The following MINDY4 variants were observed in gnomAD, a reference collection of about 807,000 sequenced individuals.
MINDY4 encodes the protein probable ubiquitin carboxyl-terminal hydrolase MINDY-4.
In MINDY4, 68 loss-of-function variants were observed where a neutral mutation model predicts 87.0. The observed-to-expected ratio is 0.78, with a 90% CI of 0.64 to 0.96. MINDY4 has a LOEUF of 0.96. Ranked by LOEUF, MINDY4 falls within the 40% of genes least tolerant of loss-of-function variation. The pLI is 0.00. For synonymous variants in MINDY4, 379 were observed against 363.2 expected, an observed-to-expected ratio of 1.04 and a Z score of -0.50; for missense variants, 919 against 928.2, an observed-to-expected ratio of 0.99 and a Z score of 0.13.
rs1246060076 is a variant in MINDY4 at position 30,785,945 on chromosome 7, CTGAT to C, written c.619_622del (p.Ile207CysfsTer4). ...AGAGAATTCCAGGCCAAAGTCTGGTCTGATTGTGCGAGGCATGATGTCTGGGCCC... is the reference window on the plus strand; with the variant it reads ...AGAGAATTCCAGGCCAAAGTCTGGTCTGTGCGAGGCATGATGTCTGGGCCC... On this transcript the variant is annotated frameshift_variant, in exon 4 of 18. Coordinates refer to ENST00000265299, the MANE Select transcript of MINDY4 (RefSeq NM_032222.3). LOFTEE classifies it high-confidence loss of function. 1 of 1,614,176 alleles carries C rather than the reference CTGAT, an allele frequency of 6.2e-7. No individual in the cohort carries two copies. Among genetic ancestry groups the C allele is most frequent in the Admixed American group, 1.7e-5 (1 of 60,026 alleles).
intron 6 of MINDY4, among the ~76,000 whole-genome samples, chr7:30,829,036 G>A (rs1788611158): frequency 6.6e-6 from 1 of 152,212 alleles, no homozygotes; most frequent in Admixed American, 6.5e-5. Flanking sequence ...TGGCCTCTTA[G>A]TAAGTTAACT....
intron 13 of MINDY4, among the ~76,000 whole-genome samples, chr7:30,863,054 A>AC (rs926806027): frequency 5.3e-5 from 8 of 151,174 alleles, no homozygotes; most frequent in South Asian, 2.1e-4. Context: ...TGTCCCTGAG[A>AC]CCCCCCTTTG....
intron 9 of MINDY4, among the ~76,000 whole-genome samples, chr7:30,842,540 T>G (rs1284227146): frequency 6.6e-6 from 1 of 152,152 alleles, no homozygotes; most frequent in Non-Finnish European, 1.5e-5. Flanking sequence ...GAAAAAAATG[T>G]GCAGAGTGTG....
chr7:30,804,235 C>A (rs1228383946), intron 5 of MINDY4, among the ~76,000 whole-genome samples: 1 of 152,202 alleles, frequency 6.6e-6, no homozygotes, highest in Non-Finnish European at 1.5e-5. Flanking sequence ...GTGTGTGCCT[C>A]ATTCCAGAAA....
intron 4 of MINDY4, among the ~76,000 whole-genome samples, chr7:30,789,566 C>T: frequency 6.6e-6 from 1 of 152,332 alleles, no homozygotes; most frequent in East Asian, 1.9e-4. Flanking sequence ...CTCCCTTCAG[C>T]CAGAAGTTTG....
At chr7:30,871,810 A>G (rs1790115124) in intron 13 of MINDY4, among the ~76,000 whole-genome samples, 1 of 152,240 alleles carries the variant, frequency 6.6e-6, no homozygotes, top group African/African-American at 2.4e-5. Flanking sequence ...AGGAAACATT[A>G]GAGTCCATTC....
Position 30,867,225 on chromosome 7 carries a change from T to A in MINDY4, c.1746-5018T>A, listed in dbSNP as rs73689319. Among the ~76,000 whole-genome samples the A allele has an allele frequency of 5.1e-3, 771 of 152,316 alleles. 6 individuals carry two copies. The highest frequency in any genetic ancestry group is 0.018 in the African/African-American group (745 of 41,568). ...GGCCATCCTGGGAAAACAGTTGATA[T>A]CCGCTGTATCCAAATCCTCTTCAGA... is the stretch of plus-strand genomic sequence containing the variant. On this transcript the variant is annotated intron_variant, in intron 13 of 17. Transcript: ENST00000265299.
At chr7:30,839,373 T>A in intron 8 of MINDY4, 57 bp downstream of exon 8, 1 of 1,063,264 alleles carries the variant, frequency 9.4e-7, no homozygotes, top group Non-Finnish European at 1.4e-6. Flanking sequence ...TGCATAGGGG[T>A]GGGTGTACCT....
chr7:30,791,376 AT>A lies in MINDY4; in HGVS notation c.876del (p.Leu293CysfsTer35). ...AAAACCACTGCCAGCAGCCCTCCCC[AT>A]CTGCCCAGCAAACGGCTGCCCCCAT... Reference protein sequence around the residue: ...RQKTTASSPPHLPSKRLPPWD... With the variant: ...RQKTTASSPPXLPSKRLPPWD... On this transcript the variant is annotated frameshift_variant, in exon 5 of 18. Coordinates refer to ENST00000265299, the MANE Select transcript of MINDY4 (RefSeq NM_032222.3). LOFTEE classifies it high-confidence loss of function. 6.2e-7 allele frequency: 1 copy of A among 1,614,032 alleles called. No individual in the cohort carries two copies. Among genetic ancestry groups the A allele is most frequent in the East Asian group, 2.2e-5 (1 of 44,856 alleles).
At chr7:30,832,258 G>A (rs1788726571) in intron 6 of MINDY4, among the ~76,000 whole-genome samples, 1 of 152,188 alleles carries the variant, frequency 6.6e-6, no homozygotes, top group Non-Finnish European at 1.5e-5. Flanking sequence ...AGACTAAATA[G>A]AAACCTCTAA....
At chr7:30,793,516 G>A (rs989646229) in intron 5 of MINDY4, among the ~76,000 whole-genome samples, 3 of 151,430 alleles carry the variant, frequency 2.0e-5, no homozygotes, top group Non-Finnish European at 2.9e-5. Context: ...TCCACGCTCA[G>A]GCAATCCTCC....
chr7:30,848,075 G>A (rs1359128351), intron 9 of MINDY4, among the ~76,000 whole-genome samples: 3 of 152,236 alleles, frequency 2.0e-5, no homozygotes, highest in Admixed American at 6.5e-5. Flanking sequence ...ACACTGAGAA[G>A]CTTCCAACTG....
intron 13 of MINDY4, among the ~76,000 whole-genome samples, chr7:30,872,018 C>T (rs894170652): frequency 6.6e-6 from 1 of 151,980 alleles, no homozygotes; most frequent in African/African-American, 2.4e-5. Flanking sequence ...AGGCCATTGC[C>T]CAGAGAATGC....
At chr7:30,879,149 T>G (rs73303991) in intron 15 of MINDY4, among the ~76,000 whole-genome samples, 11,172 of 152,276 alleles carry the variant, frequency 0.073, 657 homozygotes, top group African/African-American at 0.15. Context: ...TGACCCCCAG[T>G]ACCTCAGAAT....
At position 30,771,430 on chromosome 7, in the gene MINDY4, C is replaced by T; in HGVS notation, c.-64C>T. 6.5e-7 allele frequency: 1 copy of T among 1,542,566 alleles called. No individual in the cohort carries two copies. On this transcript the variant is annotated 5_prime_UTR_variant, in exon 1 of 18. Transcript: ENST00000265299. ...GGCAACGCGGCCATACTGCGCCGGA[C>T]AGACCCAGTTGCCTGGTGCTGCGGC... is the stretch of plus-strand genomic sequence containing the variant.
In MINDY4 at chr7:30,882,228, C is replaced by T. The variant is rs1169806906; in HGVS notation, c.2019C>T (p.Cys673=). The change falls in exon 16 of 18, where the codon TGC becomes TGT. Residue 673 remains cysteine, a synonymous_variant. Coordinates refer to ENST00000265299, the MANE Select transcript of MINDY4 (RefSeq NM_032222.3). ...KTPRFPIWVV[C]SESHFSILFS... is the part of the protein sequence containing the mutation. The stretch of plus-strand genomic sequence containing the variant: ...CGAGGTTCCCCATCTGGGTGGTTTG[C>T]AGTGAGAGCCACTTCAGCATCCTCT... 1.2e-6 allele frequency: 2 copies of T among 1,613,718 alleles called. No individual in the cohort carries two copies. Among genetic ancestry groups the T allele is most frequent in the Non-Finnish European group, 1.7e-6 (2 of 1,179,682 alleles).
chr7:30,792,417 A>G lies in MINDY4; in HGVS notation c.1073+843A>G, dbSNP rs537485922. On this transcript the variant is annotated intron_variant, in intron 5 of 17. Transcript: ENST00000265299. ...TGCTAGAAGTGGTCCCTCTTTTTCTATCCCCTTGAAGAGTGAGTGTAAGAT... is the reference window on the plus strand; with the variant it reads ...TGCTAGAAGTGGTCCCTCTTTTTCTGTCCCCTTGAAGAGTGAGTGTAAGAT... 1.8e-4 allele frequency among the ~76,000 whole-genome samples: 27 copies of G among 152,276 alleles called. No individual in the cohort carries two copies. The South Asian group carries it at 5.0e-3, about 28-fold the overall frequency.
chr7:30,809,273 A>G (rs1048999476), intron 5 of MINDY4, among the ~76,000 whole-genome samples: 2 of 152,056 alleles, frequency 1.3e-5, no homozygotes, highest in African/African-American at 4.8e-5. Flanking sequence ...AAATGCATTC[A>G]ATCTGTAGCG....
intron 5 of MINDY4, among the ~76,000 whole-genome samples, chr7:30,792,501 T>G (rs1280066793): frequency 4.6e-5 from 7 of 152,372 alleles, no homozygotes; most frequent in African/African-American, 1.4e-4. Context: ...TTCTGTGCAT[T>G]AAGTTGAAAG....
Sources: allele counts gnomAD v4.1 joint callset (sites outside exome capture counted in the v4.1 genomes callset), GRCh38; gene constraint gnomAD v4.1.1; transcripts MANE v1.5; gene names NCBI Gene and HGNC (gene_info 2026-07-23, HGNC 2026-07-21).